Variants in KIF3A observed in about 807,000 individuals in gnomAD.
The protein encoded by KIF3A is kinesin-like protein KIF3A.
A neutral mutation model predicts 92.6 loss-of-function variants in KIF3A; 27 were observed. That is an observed-to-expected ratio of 0.29 (90% CI 0.21 to 0.40). KIF3A has a LOEUF of 0.40. KIF3A is among the 10% of genes least tolerant of loss of function. KIF3A has a pLI of 1.00. For synonymous variants in KIF3A, 250 were observed against 275.4 expected, an observed-to-expected ratio of 0.91 and a Z score of 0.92; for missense variants, 581 against 872.6, an observed-to-expected ratio of 0.67 and a Z score of 4.21.
chr5:132,726,031 A>T, intron 4 of KIF3A, 97 bp downstream of exon 4: 2 of 790,760 alleles, frequency 2.5e-6, no homozygotes, highest in Non-Finnish European at 4.1e-6. Context: ...TTAAAATATA[A>T]AAAGCAACTT....
rs777375524 is a variant in KIF3A at position 132,734,404 on chromosome 5, T to C, written c.81A>G (p.Arg27=). ...CCTGTTTGTAGCACATTGATTTCTC[T>C]CTCTCATTGAGGGGCCGGCACCTAA... ...VVVRCRPLNE[R]EKSMCYKQAV... The change falls in exon 2 of 19, where the codon AGA becomes AGG. Residue 27 remains arginine (R), a synonymous_variant. Transcript: ENST00000403231. 29 of 1,614,022 alleles carry C rather than the reference T, an allele frequency of 1.8e-5. No homozygotes were observed. The highest frequency in any genetic ancestry group is 2.1e-5 in the Non-Finnish European group (25 of 1,180,014).
chr5:132,726,565 T>C (rs1754041292), intron 2 of KIF3A, 67 bp from the exon 3 acceptor site: 1 of 1,385,866 alleles, frequency 7.2e-7, no homozygotes, highest in Non-Finnish European at 1.0e-6. Context: ...GCTCTTAAAA[T>C]TAATTCCTTT....
chr5:132,716,275 A>G lies in KIF3A; in HGVS notation c.924T>C (p.Asp308=). The G allele has an allele frequency of 6.2e-7, 1 of 1,614,010 alleles. No individual in the cohort carries two copies. The change falls in exon 7 of 19, where the codon GAT becomes GAC. Residue 308 remains aspartate, a synonymous_variant. Coordinates refer to ENST00000403231, the MANE Select transcript of KIF3A (RefSeq NM_001300791.2). ...RNSKLTRLLQ[D]SLGGNSKTMM... Reference sequence around the variant, plus strand: ...TGGTTTTTGAATTTCCTCCTAAGGAATCCTGAAGAAGACGAGTCAGTTTAG... The same window carrying G: ...TGGTTTTTGAATTTCCTCCTAAGGAGTCCTGAAGAAGACGAGTCAGTTTAG...
intron 2 of KIF3A, among the ~76,000 whole-genome samples, chr5:132,732,362 AG>A (rs1474683786): frequency 7.9e-5 from 12 of 152,244 alleles, no homozygotes; most frequent in Admixed American, 3.3e-4. Flanking sequence ...AATCTGTAAA[AG>A]AATGTTCAAA....
intron 17 of KIF3A, 57 bp downstream of exon 17, chr5:132,700,159 T>C: frequency 1.1e-6 from 1 of 945,170 alleles, no homozygotes; most frequent in Non-Finnish European, 1.6e-6. Flanking sequence ...CTCATATTCC[T>C]ATAAAGAAAC....
rs1229556701 is a variant in KIF3A, at chr5:132,692,684, A to G, written c.*3950T>C. ...ACCATGCTGCATGTATACATACAAT[A>G]CCAATATATACAACTTGAACAAATA... On this transcript the variant is annotated 3_prime_UTR_variant, in exon 19 of 19. Transcript: ENST00000403231. The G allele has an allele frequency of 6.5e-6, 1 of 152,754 alleles. No individual in the cohort carries two copies. The highest frequency in any genetic ancestry group is 1.5e-5 in the Non-Finnish European group (1 of 68,054). 9.5% of individuals were successfully genotyped at this position (152,754 alleles called of 1,614,324 possible).
rs1372433281 is a variant in KIF3A at position 132,724,639 on chromosome 5, G to C, written c.510+1489C>G. On this transcript the variant is annotated intron_variant, in intron 4 of 18. Coordinates refer to ENST00000403231, the MANE Select transcript of KIF3A (RefSeq NM_001300791.2). ...AGGAGAACATCACACACCGGGGCCT[G>C]TTGTGGGGTGGGAGGAGTGGGGAGG... 3.3e-5 allele frequency among the ~76,000 whole-genome samples: 5 copies of C among 151,406 alleles called. No individual in the cohort carries two copies. In the East Asian group the frequency reaches 9.7e-4, roughly 29 times the overall value.
At chr5:132,718,243 T>TC (rs916982573) in intron 5 of KIF3A, among the ~76,000 whole-genome samples, 4 of 152,160 alleles carry the variant, frequency 2.6e-5, no homozygotes, top group African/African-American at 9.6e-5. Flanking sequence ...TTTGCTTTTA[T>TC]CCCCCCACTG....
At chr5:132,727,994 G>A (rs1418139357) in intron 2 of KIF3A, among the ~76,000 whole-genome samples, 1 of 151,908 alleles carries the variant, frequency 6.6e-6, no homozygotes, top group Non-Finnish European at 1.5e-5. Context: ...TTACACATGG[G>A]AATAAAAAAG....
Position 132,695,803 on chromosome 5 carries a change from G to A in KIF3A, c.*831C>T, listed in dbSNP as rs1752813878. 1 of 152,280 alleles carries A rather than the reference G, an allele frequency of 6.6e-6. No homozygotes were observed. The highest frequency in any genetic ancestry group is 2.4e-5 in the African/African-American group (1 of 41,450). The allele number at this position is 152,280 out of a possible 1,614,324, so 9.4% of individuals were successfully genotyped here. A position where few individuals can be genotyped will look rare whatever the true frequency, so the allele number is the denominator to read the frequency against. On this transcript the variant is annotated 3_prime_UTR_variant, in exon 19 of 19. Coordinates refer to ENST00000403231, the MANE Select transcript of KIF3A (RefSeq NM_001300791.2). ...ACCAAAATTTAGAACTCAAAGAAAAGCATCCATAACACTTCAGAGTGAATT... is the reference window on the plus strand; with the variant it reads ...ACCAAAATTTAGAACTCAAAGAAAAACATCCATAACACTTCAGAGTGAATT...
chr5:132,704,632 T>C (rs775448836), intron 11 of KIF3A, among the ~76,000 whole-genome samples: 10 of 151,954 alleles, frequency 6.6e-5, no homozygotes, highest in Non-Finnish European at 2.9e-5. Context: ...TACAGTTTCT[T>C]AGAAACATAC....
chr5:132,693,319 G>A lies in KIF3A; in HGVS notation c.*3315C>T, dbSNP rs530468254. ...GAATCTAAACACAAATAGGAAACAC[G>A]ATGATAATTTTAACATCCTATTAGT... is the stretch of plus-strand genomic sequence containing the variant. On this transcript the variant is annotated 3_prime_UTR_variant, in exon 19 of 19. Coordinates refer to ENST00000403231, the MANE Select transcript of KIF3A (RefSeq NM_001300791.2). 46 of 152,388 alleles carry A rather than the reference G, an allele frequency of 3.0e-4. No homozygotes were observed. Among genetic ancestry groups the A allele is most frequent in the African/African-American group, 9.4e-4 (39 of 41,516 alleles). The allele number at this position is 152,388 out of a possible 1,614,324, so 9.4% of individuals were successfully genotyped here. A position where few individuals can be genotyped will look rare whatever the true frequency, so the allele number is the denominator to read the frequency against.
At chr5:132,689,407 C>G (rs73269373), downstream of KIF3A, among the ~76,000 whole-genome samples, 7,755 of 151,952 alleles carry the variant, frequency 0.051, 638 homozygotes, top group African/African-American at 0.18. Flanking sequence ...ATTATTAGGA[C>G]CAAAGCAGAA....
intron 5 of KIF3A, among the ~76,000 whole-genome samples, chr5:132,718,623 G>A (rs1484338301): frequency 6.8e-6 from 1 of 147,938 alleles, no homozygotes; most frequent in Non-Finnish European, 1.5e-5. Flanking sequence ...TGTTTTTTTT[G>A]TTGTTGTTTT....
rs1050665744 is a variant in KIF3A, at chr5:132,695,065, T to A, written c.*1569A>T. On this transcript the variant is annotated 3_prime_UTR_variant, in exon 19 of 19. Coordinates refer to ENST00000403231, the MANE Select transcript of KIF3A (RefSeq NM_001300791.2). Reference sequence around the variant, plus strand: ...TATTAATTTAATAAATACTAACTTATAAAGTCTCAAAATATTTTCAACCAA... The same window carrying A: ...TATTAATTTAATAAATACTAACTTAAAAAGTCTCAAAATATTTTCAACCAA... 6.6e-6 allele frequency: 1 copy of A among 152,298 alleles called. No individual in the cohort carries two copies. The highest frequency in any genetic ancestry group is 2.4e-5 in the African/African-American group (1 of 41,462). 9.4% of individuals were successfully genotyped at this position (152,298 alleles called of 1,614,324 possible).
chr5:132,716,992 A>C lies in KIF3A; in HGVS notation c.617-8T>G, dbSNP rs1398563418. 2 of 1,611,728 alleles carry C rather than the reference A, an allele frequency of 1.2e-6. No homozygotes were observed. Among genetic ancestry groups the C allele is most frequent in the African/African-American group, 2.7e-5 (2 of 74,780 alleles). On this transcript the variant is annotated splice_polypyrimidine_tract_variant and splice_region_variant and intron_variant, in intron 5 of 18. Transcript: ENST00000403231. ...TAGTTGCACCAACAGAACCTTTAAT[A>C]AATAAACGAAATCCTTTAAAAGTGT...
At chr5:132,717,197 A>G (rs1406528102) in intron 5 of KIF3A, among the ~76,000 whole-genome samples, 2 of 152,202 alleles carry the variant, frequency 1.3e-5, no homozygotes, top group Admixed American at 6.5e-5. Flanking sequence ...CTCATATTAA[A>G]GACATAACTT....
chr5:132,722,028 G>A (rs1415681034), intron 4 of KIF3A, among the ~76,000 whole-genome samples: 1 of 152,148 alleles, frequency 6.6e-6, no homozygotes, highest in Non-Finnish European at 1.5e-5. Flanking sequence ...TGATAATTTT[G>A]TAAAATACAA....
intron 2 of KIF3A, 63 bp downstream of exon 2, chr5:132,734,142 A>G: frequency 7.7e-7 from 1 of 1,301,830 alleles, no homozygotes; most frequent in Non-Finnish European, 1.1e-6. Flanking sequence ...GCAATATGTG[A>G]ATTTATGGCA....
Sources: allele counts gnomAD v4.1 joint callset (sites outside exome capture counted in the v4.1 genomes callset), GRCh38; gene constraint gnomAD v4.1.1; transcripts MANE v1.5; gene names NCBI Gene and HGNC (gene_info 2026-07-23, HGNC 2026-07-21).